Variants in SCLT1 observed in about 807,000 individuals in gnomAD.
SCLT1 encodes sodium channel and clathrin linker 1, also known as sodium channel-associated protein 1.
In SCLT1, 78 loss-of-function variants were observed where a neutral mutation model predicts 112.8. That is an observed-to-expected ratio of 0.69 (90% CI 0.58 to 0.83). The LOEUF (loss-of-function observed/expected upper bound fraction) is 0.83, where lower values mean the gene tolerates loss of function less well. Among genes scored for constraint, SCLT1 ranks in the 40% least tolerant of loss-of-function variants. The probability of loss-of-function intolerance (pLI) is 0.00; values close to 1 mark genes in which losing one functional copy is unlikely to be tolerated. For missense variants in SCLT1, 747 were observed against 770.4 expected (o/e 0.97, Z 0.36); for synonymous variants, 257 against 254.7 (o/e 1.01, Z -0.09).
intron 6 of SCLT1, among the ~76,000 whole-genome samples, chr4:129,003,483 A>G (rs1179458823): frequency 6.6e-6 from 1 of 151,884 alleles, no homozygotes; most frequent in Non-Finnish European, 1.5e-5. Flanking sequence ...ATATTCTCAT[A>G]AGAAAAAAAC....
At chr4:129,004,441 G>C (rs1411392328) in intron 5 of SCLT1, among the ~76,000 whole-genome samples, 1 of 151,706 alleles carries the variant, frequency 6.6e-6, no homozygotes, top group Non-Finnish European at 1.5e-5. Flanking sequence ...ATACTGAAAG[G>C]CTTAAAATTG....
At chr4:128,887,264 C>A (rs1732961297) in intron 20 of SCLT1, among the ~76,000 whole-genome samples, 1 of 151,996 alleles carries the variant, frequency 6.6e-6, no homozygotes. Context: ...ATTAGCTAAC[C>A]CATTAGTTAA....
intron 18 of SCLT1, among the ~76,000 whole-genome samples, chr4:128,914,464 G>A (rs186417463): frequency 6.6e-6 from 1 of 152,120 alleles, no homozygotes; most frequent in Admixed American, 6.5e-5. Flanking sequence ...ATAAAAAATA[G>A]GAAGTGATGA....
At chr4:128,897,312 A>G (rs1009803407) in intron 18 of SCLT1, among the ~76,000 whole-genome samples, 5 of 152,156 alleles carry the variant, frequency 3.3e-5, no homozygotes, top group African/African-American at 1.2e-4. Flanking sequence ...CCATCAGACT[A>G]ACAGCTGATC....
Position 128,943,042 on chromosome 4 carries a change from C to A in SCLT1, c.1586G>T (p.Ser529Ile). The A allele has an allele frequency of 6.2e-7, 1 of 1,612,880 alleles. No homozygotes were observed. Among genetic ancestry groups the A allele is most frequent in the Non-Finnish European group, 8.5e-7 (1 of 1,179,296 alleles). Residue 529 changes from serine (S) to isoleucine (I), a missense_variant, in exon 17 of 21, where the codon AGT becomes ATT. Coordinates refer to ENST00000281142, the MANE Select transcript of SCLT1 (RefSeq NM_144643.4). Reference protein sequence around the residue: ...ENKQLRKETESLRKIALEAQK... With the variant: ...ENKQLRKETEILRKIALEAQK... ...AGCCTCCAGGGCAATCTTCCTTAAA[C>A]TCTCAGTCTCTTTCCGTAACTGTTT...
intron 2 of SCLT1, among the ~76,000 whole-genome samples, chr4:129,055,973 C>T (rs1000975597): frequency 7.9e-5 from 12 of 152,138 alleles, no homozygotes; most frequent in African/African-American, 2.2e-4. Context: ...TTGCAGAAAC[C>T]GTGGGAAAAG....
chr4:128,895,899 C>T (rs931488388), intron 18 of SCLT1, among the ~76,000 whole-genome samples: 1 of 152,234 alleles, frequency 6.6e-6, no homozygotes, highest in African/African-American at 2.4e-5. Flanking sequence ...TATCCTCTGC[C>T]TGGCTTGAAG....
intron 9 of SCLT1, among the ~76,000 whole-genome samples, chr4:128,981,107 C>T (rs896917799): frequency 6.6e-6 from 1 of 152,140 alleles, no homozygotes; most frequent in Non-Finnish European, 1.5e-5. Context: ...CCACGCCTTC[C>T]AGGGGCTCAA....
At chr4:128,948,352 A>G (rs954323609) in intron 15 of SCLT1, 144 bp downstream of exon 15, 62 of 1,027,916 alleles carry the variant, frequency 6.0e-5, no homozygotes, top group Non-Finnish European at 7.7e-5. Flanking sequence ...AAAAAAAAAA[A>G]AAAAAAAGAA....
intron 2 of SCLT1, among the ~76,000 whole-genome samples, chr4:129,062,881 T>C (rs555749867): frequency 7.2e-5 from 11 of 152,336 alleles, no homozygotes; most frequent in Admixed American, 5.2e-4. Context: ...TTTGGGTGAA[T>C]CTGTTTGGGA....
chr4:128,876,694 A>G (rs1281627760), intron 3 of SCLT1: 2 of 152,222 alleles, frequency 1.3e-5, no homozygotes, highest in Admixed American at 1.3e-4. Context: ...CCTTCACTTC[A>G]ACTGTTCCCT....
chr4:129,025,875 AC>A (rs1185741435), intron 5 of SCLT1, among the ~76,000 whole-genome samples: 3 of 151,924 alleles, frequency 2.0e-5, no homozygotes, highest in Non-Finnish European at 4.4e-5. Context: ...CAAATGGAAA[AC>A]AAAAAAAGGC....
rs565577909 is a variant in SCLT1, at chr4:129,026,503, G to A, written c.290+12538C>T. Among the ~76,000 whole-genome samples, 28 of 152,054 alleles carry A rather than the reference G, an allele frequency of 1.8e-4. No homozygotes were observed. The East Asian group carries it at 4.2e-3, about 23-fold the overall frequency. On this transcript the variant is annotated intron_variant, in intron 5 of 20. Coordinates refer to ENST00000281142, the MANE Select transcript of SCLT1 (RefSeq NM_144643.4). ...AATAAAGATGTTCTTTGAAACCAAC[G>A]AGAACAAAGACACAACATACCAGAA...
intron 5 of SCLT1, among the ~76,000 whole-genome samples, chr4:129,023,967 G>T (rs1745750960): frequency 6.6e-6 from 1 of 152,228 alleles, no homozygotes; most frequent in Non-Finnish European, 1.5e-5. Context: ...CAAACTGCAA[G>T]GCGGCAGCGA....
chr4:129,053,196 T>C (rs1579859635), intron 2 of SCLT1, among the ~76,000 whole-genome samples: 1 of 152,316 alleles, frequency 6.6e-6, no homozygotes, highest in Non-Finnish European at 1.5e-5. Context: ...GAGAATAACA[T>C]ATATTCTGTT....
intron 2 of SCLT1, among the ~76,000 whole-genome samples, chr4:129,057,716 C>T (rs1484011371): frequency 1.3e-5 from 2 of 151,506 alleles, no homozygotes; most frequent in Admixed American, 6.6e-5. Context: ...TAATTGTTCA[C>T]AATAGTCCTA....
At chr4:128,976,767 G>T (rs1741209191) in intron 9 of SCLT1, among the ~76,000 whole-genome samples, 1 of 152,196 alleles carries the variant, frequency 6.6e-6, no homozygotes, top group Non-Finnish European at 1.5e-5. Flanking sequence ...AGAATTGGCA[G>T]AGGAATTATA....
chr4:129,078,393 T>G lies in SCLT1; in HGVS notation c.102+3913A>C, dbSNP rs142939140. On this transcript the variant is annotated intron_variant, in intron 2 of 20. Coordinates refer to ENST00000281142, the MANE Select transcript of SCLT1 (RefSeq NM_144643.4). ...GTCATCTGGGGCTTTAAAATAAAAATTTTTTTTTACTCTTTTGTTCAGGCC... is the reference window on the plus strand; with the variant it reads ...GTCATCTGGGGCTTTAAAATAAAAAGTTTTTTTTACTCTTTTGTTCAGGCC... Among the ~76,000 whole-genome samples the G allele has an allele frequency of 4.5e-3, 685 of 151,824 alleles. 10 individuals are homozygous for G. Among genetic ancestry groups the G allele is most frequent in the East Asian group, 0.025 (130 of 5,172 alleles).
At chr4:128,928,241 C>T (rs1001874485) in intron 18 of SCLT1, among the ~76,000 whole-genome samples, 2 of 151,880 alleles carry the variant, frequency 1.3e-5, no homozygotes, top group Admixed American at 6.6e-5. Context: ...TACGAGATTA[C>T]AGAAAAAGAA....
Sources: allele counts gnomAD v4.1 joint callset (sites outside exome capture counted in the v4.1 genomes callset), GRCh38; gene constraint gnomAD v4.1.1; transcripts MANE v1.5; gene names NCBI Gene and HGNC (gene_info 2026-07-23, HGNC 2026-07-21).